NTRK2: variants seen among roughly 807,000 people sequenced by gnomAD.
NTRK2 encodes BDNF/NT-3 growth factors receptor.
NTRK2 carries 13 observed loss-of-function variants against 94.5 expected under a neutral mutation model. The observed-to-expected ratio is 0.14, with a 90% CI of 0.09 to 0.22. The LOEUF (loss-of-function observed/expected upper bound fraction) is 0.22, where lower values mean the gene tolerates loss of function less well. NTRK2 is among the 10% of genes least tolerant of loss of function. The pLI is 1.00. For synonymous variants in NTRK2, 372 were observed against 407.4 expected (o/e 0.91, Z 1.05); for missense variants, 639 against 1,071.2 (o/e 0.60, Z 5.63).
At chr9:84,791,350 T>C (rs1194801136) in intron 12 of NTRK2, among the ~76,000 whole-genome samples, 1 of 152,194 alleles carries the variant, frequency 6.6e-6, no homozygotes, top group African/African-American at 2.4e-5. Flanking sequence ...TACTTATATT[T>C]TCTTATGTCT....
intron 14 of NTRK2, among the ~76,000 whole-genome samples, chr9:84,925,561 A>G (rs6559837): frequency 0.96 from 146,734 of 152,268 alleles, 70,745 homozygotes; most frequent in East Asian, 1. Flanking sequence ...TTGAGGATTC[A>G]TTTTTGGTGA....
chr9:84,824,773 G>A (rs2073075615), intron 12 of NTRK2, among the ~76,000 whole-genome samples: 1 of 152,168 alleles, frequency 6.6e-6, no homozygotes, highest in Non-Finnish European at 1.5e-5. Flanking sequence ...TAGGCCAGCA[G>A]CTTCTACATC....
intron 2 of NTRK2, among the ~76,000 whole-genome samples, chr9:84,697,802 C>CCAGG (rs1217258890): frequency 2.6e-5 from 4 of 152,128 alleles, no homozygotes; most frequent in Admixed American, 1.3e-4. Context: ...TTTGGGTGGT[C>CCAGG]CAGGGAACCA....
chr9:84,887,779 T>C (rs565021652), intron 14 of NTRK2, among the ~76,000 whole-genome samples: 2 of 152,326 alleles, frequency 1.3e-5, no homozygotes, highest in East Asian at 3.9e-4. Flanking sequence ...AGATTTCAGC[T>C]TTCTGGCTTG....
At chr9:84,973,319 C>T (rs1345660152) in intron 17 of NTRK2, among the ~76,000 whole-genome samples, 1 of 152,170 alleles carries the variant, frequency 6.6e-6, no homozygotes, top group Non-Finnish European at 1.5e-5. Context: ...AGGCCCTCAG[C>T]AGAACTCACC....
chr9:84,792,652 AATACAT>A (rs1307562574), intron 12 of NTRK2, among the ~76,000 whole-genome samples: 1 of 152,236 alleles, frequency 6.6e-6, no homozygotes, highest in African/African-American at 2.4e-5. Flanking sequence ...GGTTCAGCCT[AATACAT>A]ATACTGAGGC....
intron 12 of NTRK2, among the ~76,000 whole-genome samples, chr9:84,809,451 T>C (rs1009105150): frequency 1.3e-5 from 2 of 148,984 alleles, no homozygotes; most frequent in Non-Finnish European, 3.0e-5. Flanking sequence ...CTTATAGATA[T>C]AATATATACA....
chr9:84,991,132 T>C (rs1829010222), intron 17 of NTRK2, among the ~76,000 whole-genome samples: 1 of 152,178 alleles, frequency 6.6e-6, no homozygotes, highest in Non-Finnish European at 1.5e-5. Context: ...ATTGACACAT[T>C]TCCTCTCTTT....
intron 14 of NTRK2, among the ~76,000 whole-genome samples, chr9:84,897,712 A>G (rs2076801087): frequency 6.6e-6 from 1 of 152,126 alleles, no homozygotes; most frequent in Admixed American, 6.5e-5. Flanking sequence ...CCCTTCCTCC[A>G]CACCCTCACA....
intron 14 of NTRK2, among the ~76,000 whole-genome samples, chr9:84,923,511 G>T (rs2077636962): frequency 6.6e-6 from 1 of 152,134 alleles, no homozygotes; most frequent in Non-Finnish European, 1.5e-5. Context: ...ATAACCACTG[G>T]TGTGATTTTT....
chr9:84,975,460 G>T (rs1015642106), intron 17 of NTRK2, among the ~76,000 whole-genome samples: 7 of 152,264 alleles, frequency 4.6e-5, no homozygotes, highest in East Asian at 3.9e-4. Context: ...AATAGGTTTT[G>T]CTCTAGGCAG....
chr9:84,975,134 T>A (rs1195601220), intron 17 of NTRK2, among the ~76,000 whole-genome samples: 1 of 152,102 alleles, frequency 6.6e-6, no homozygotes, highest in East Asian at 1.9e-4. Context: ...CAGGGGCAGT[T>A]CTCAGAGGAA....
intron 17 of NTRK2, among the ~76,000 whole-genome samples, chr9:85,009,001 A>G (rs1049547853): frequency 1.3e-5 from 2 of 152,236 alleles, no homozygotes; most frequent in African/African-American, 4.8e-5. Context: ...TACAATGAAC[A>G]GACTCTAAGG....
At chr9:84,987,537 G>T (rs531846348) in intron 17 of NTRK2, among the ~76,000 whole-genome samples, 19 of 152,162 alleles carry the variant, frequency 1.2e-4, no homozygotes, top group Admixed American at 3.9e-4. Context: ...AAAGTTTGAT[G>T]ATTCATTTTT....
At chr9:84,705,939 G>A (rs1450389163) in intron 4 of NTRK2, among the ~76,000 whole-genome samples, 15 of 151,824 alleles carry the variant, frequency 9.9e-5, no homozygotes, top group Non-Finnish European at 1.2e-4. Context: ...ACAGGCAGGC[G>A]CCACCACACC....
At chr9:84,933,824 G>A (rs1263156017) in intron 14 of NTRK2, among the ~76,000 whole-genome samples, 1 of 152,176 alleles carries the variant, frequency 6.6e-6, no homozygotes, top group Non-Finnish European at 1.5e-5. Flanking sequence ...TATATGCAAA[G>A]CATCTGGCTT....
chr9:84,898,849 T>C (rs1163426621), intron 14 of NTRK2, among the ~76,000 whole-genome samples: 1 of 152,120 alleles, frequency 6.6e-6, no homozygotes, highest in Non-Finnish European at 1.5e-5. Context: ...ATTACAGGCA[T>C]GCACCACCAC....
At chr9:84,812,358 A>T (rs1448212997) in intron 12 of NTRK2, 9 of 1,058,860 alleles carry the variant, frequency 8.5e-6, no homozygotes, top group Non-Finnish European at 1.0e-5. Flanking sequence ...TGCCTTAAAG[A>T]GGGGCAGTTT....
intron 17 of NTRK2, among the ~76,000 whole-genome samples, chr9:84,985,198 T>C (rs1670978798): frequency 6.6e-6 from 1 of 152,258 alleles, no homozygotes; most frequent in African/African-American, 2.4e-5. Context: ...GCTCTTGACA[T>C]GATTTTTGCG....
Sources: allele counts gnomAD v4.1 joint callset (sites outside exome capture counted in the v4.1 genomes callset), GRCh38; gene constraint gnomAD v4.1.1; transcripts MANE v1.5; gene names NCBI Gene and HGNC (gene_info 2026-07-23, HGNC 2026-07-21).